IL19: variants seen among roughly 807,000 people sequenced by gnomAD.
The protein encoded by IL19 is interleukin 19.
Under a neutral mutation model 19.5 loss-of-function variants are expected in IL19, and 15 were observed. The ratio of observed to expected loss-of-function variants is 0.77; its 90% confidence interval spans 0.52 to 1.19. The LOEUF is 1.19. Ranked by LOEUF, IL19 falls within the 50% of genes most tolerant of loss-of-function variation. The probability of loss-of-function intolerance (pLI) is 0.00; values close to 1 mark genes in which losing one functional copy is unlikely to be tolerated. For synonymous variants in IL19, 78 were observed against 78.3 expected (o/e 1.00, Z 0.02); for missense variants, 199 against 213.1 (o/e 0.93, Z 0.41).
In IL19 at chr1:206,795,927, A is replaced by ATGTGTG. The variant is rs71570039; in HGVS notation, c.-148-2906_-148-2901dup. Among the ~76,000 whole-genome samples, 143 of 133,628 alleles carry ATGTGTG rather than the reference A, an allele frequency of 1.1e-3. 1 individual carries two copies. Among genetic ancestry groups the ATGTGTG allele is most frequent in the African/African-American group, 3.2e-3 (113 of 34,976 alleles). The allele number at this position is 133,628 out of a possible 152,430, so 87.7% of individuals were successfully genotyped here. On this transcript the variant is annotated intron_variant, in intron 1 of 6. Transcript: ENST00000659997. ...AAACAGAACCAATATAAATATATAT[A>ATGTGTG]TGTGTGTGTGTGTGTGTGTGTGTGT...
intron 2 of IL19, among the ~76,000 whole-genome samples, chr1:206,807,704 GTA>G (rs1222476697): frequency 5.0e-5 from 7 of 139,908 alleles, no homozygotes; most frequent in African/African-American, 1.6e-4. Context: ...TTCTCTTAGA[GTA>G]TGAACCCCAC....
chr1:206,821,381 G>A (rs187172733), intron 2 of IL19, among the ~76,000 whole-genome samples: 72 of 152,334 alleles, frequency 4.7e-4, no homozygotes, highest in African/African-American at 1.4e-3. Flanking sequence ...AATAGTAGGC[G>A]CCATATAAGC....
chr1:206,813,363 C>T, intron 2 of IL19, among the ~76,000 whole-genome samples: 1 of 152,162 alleles, frequency 6.6e-6, no homozygotes, highest in South Asian at 2.1e-4. Flanking sequence ...GCTCCTTCAT[C>T]ATAACTTTTT....
At chr1:206,799,801 A>T (rs368160657) in intron 2 of IL19, among the ~76,000 whole-genome samples, 1 of 152,234 alleles carries the variant, frequency 6.6e-6, no homozygotes, top group African/African-American at 2.4e-5. Flanking sequence ...TGGTGTCCCA[A>T]GTTAAATGGC....
intron 2 of IL19, among the ~76,000 whole-genome samples, chr1:206,817,711 A>G (rs1015811641): frequency 9.2e-5 from 14 of 152,170 alleles, no homozygotes; most frequent in African/African-American, 3.4e-4. Context: ...ATAAAACTTC[A>G]CAGAACTACA....
At chr1:206,832,550 T>C (rs762080082) in intron 2 of IL19, among the ~76,000 whole-genome samples, 2 of 152,232 alleles carry the variant, frequency 1.3e-5, no homozygotes, top group Non-Finnish European at 1.5e-5. Context: ...CTTTAAGATA[T>C]AGCTGATTAA....
intron 2 of IL19, among the ~76,000 whole-genome samples, chr1:206,815,697 C>G (rs951999185): frequency 1.8e-4 from 28 of 152,136 alleles, no homozygotes; most frequent in African/African-American, 6.0e-4. Context: ...AAGTCATAAC[C>G]AGACATATCT....
At chr1:206,817,104 G>A (rs1427762930) in intron 2 of IL19, among the ~76,000 whole-genome samples, 2 of 152,182 alleles carry the variant, frequency 1.3e-5, no homozygotes, top group East Asian at 3.8e-4. Flanking sequence ...GAAATCAGTT[G>A]GAACCAAGAT....
In IL19 at chr1:206,771,076, A is replaced by G; in HGVS notation, c.-151A>G. On this transcript the variant is annotated splice_region_variant and 5_prime_UTR_variant, in exon 1 of 7. Coordinates refer to ENST00000659997, the MANE Select transcript of IL19 (RefSeq NM_153758.5). ...CAGGTAACCCTAAGGGCAGGAGCCA[A>G]AGGTGAGTGAGAGATTGGCGGAGGT... 1.9e-6 allele frequency: 3 copies of G among 1,614,012 alleles called. No individual in the cohort carries two copies. The highest frequency in any genetic ancestry group is 1.7e-6 in the Non-Finnish European group (2 of 1,179,948).
At chr1:206,806,410 CA>C (rs1229231307) in intron 2 of IL19, among the ~76,000 whole-genome samples, 1 of 152,062 alleles carries the variant, frequency 6.6e-6, no homozygotes, top group Non-Finnish European at 1.5e-5. Context: ...TAAAATACTA[CA>C]AAAACTCAAT....
chr1:206,831,537 TC>T (rs1676610091), intron 2 of IL19, among the ~76,000 whole-genome samples: 1 of 152,148 alleles, frequency 6.6e-6, no homozygotes, highest in South Asian at 2.1e-4. Context: ...TTCTTATTGT[TC>T]CCCCTTCTTC....
intron 2 of IL19, among the ~76,000 whole-genome samples, chr1:206,802,974 C>T (rs1282725462): frequency 2.6e-5 from 4 of 152,168 alleles, no homozygotes; most frequent in East Asian, 1.9e-4. Flanking sequence ...CCTGGAAGGG[C>T]GAGGGGGACG....
chr1:206,834,488 A>C (rs1676717922), intron 2 of IL19: 1 of 966,042 alleles, frequency 1.0e-6, no homozygotes, highest in Non-Finnish European at 1.2e-6. Context: ...GTGACCTGTT[A>C]CCATTGTGTA....
intron 1 of IL19, among the ~76,000 whole-genome samples, chr1:206,778,000 C>G (rs1425551505): frequency 6.6e-6 from 1 of 152,214 alleles, no homozygotes; most frequent in Non-Finnish European, 1.5e-5. Context: ...CTGTATTCCT[C>G]TGGGCTTTCC....
intron 5 of IL19, chr1:206,840,249 C>A: frequency 1.5e-6 from 1 of 650,910 alleles, no homozygotes; most frequent in African/African-American, 1.8e-5. Flanking sequence ...CAACTTATGT[C>A]AACATATTCC....
intron 1 of IL19, among the ~76,000 whole-genome samples, chr1:206,778,502 A>C (rs536790934): frequency 6.6e-6 from 1 of 152,206 alleles, no homozygotes; most frequent in South Asian, 2.1e-4. Context: ...TCTCCACTGG[A>C]TGGCTGGCAC....
chr1:206,816,299 A>G (rs997545169), intron 2 of IL19, among the ~76,000 whole-genome samples: 7 of 152,210 alleles, frequency 4.6e-5, no homozygotes, highest in African/African-American at 1.2e-4. Context: ...TCTTTAAAAG[A>G]TAATTATTTT....
chr1:206,772,178 G>A, intron 1 of IL19: 1 of 1,076,606 alleles, frequency 9.3e-7, no homozygotes, highest in South Asian at 1.3e-5. Context: ...GATGGAGGTG[G>A]AGGCGCAGGA....
At chr1:206,786,044 G>A (rs761909460) in intron 1 of IL19, among the ~76,000 whole-genome samples, 1 of 152,068 alleles carries the variant, frequency 6.6e-6, no homozygotes, top group Non-Finnish European at 1.5e-5. Flanking sequence ...GAGGGATATA[G>A]GACATCCTTA....
Sources: allele counts gnomAD v4.1 joint callset (sites outside exome capture counted in the v4.1 genomes callset), GRCh38; gene constraint gnomAD v4.1.1; transcripts MANE v1.5; gene names NCBI Gene and HGNC (gene_info 2026-07-23, HGNC 2026-07-21).